NR2E1: variants seen among roughly 807,000 people sequenced by gnomAD.
NR2E1 encodes nuclear receptor TLX.
Under a neutral mutation model 43.6 loss-of-function variants are expected in NR2E1, and 5 were observed. That is an observed-to-expected ratio of 0.11 (90% CI 0.06 to 0.24). NR2E1 has a LOEUF of 0.24. Ranked by LOEUF, NR2E1 falls within the 10% of genes least tolerant of loss-of-function variation. The pLI, the probability that NR2E1 is intolerant of heterozygous loss-of-function variation, is 1.00. For synonymous variants in NR2E1, 191 were observed against 195.5 expected, an observed-to-expected ratio of 0.98 and a Z score of 0.19; for missense variants, 287 against 496.7, an observed-to-expected ratio of 0.58 and a Z score of 4.01.
At chr6:108,168,925 A>G (rs1773759341) in intron 1 of NR2E1, 1 of 152,284 alleles carries the variant, frequency 6.6e-6, no homozygotes, top group Non-Finnish European at 1.5e-5. Context: ...TCTGATGGTA[A>G]TTACAGTAAT....
chr6:108,181,461 T>C (rs1773984469), intron 7 of NR2E1, 85 bp from the exon 8 acceptor site: 1 of 1,145,758 alleles, frequency 8.7e-7, no homozygotes, highest in Admixed American at 1.7e-5. Flanking sequence ...CCCAAAGTGC[T>C]GGGATTACAG....
chr6:108,166,741 A>C lies in NR2E1; in HGVS notation c.-25A>C. The C allele has an allele frequency of 6.4e-7, 1 of 1,553,308 alleles. No homozygotes were observed. The highest frequency in any genetic ancestry group is 8.7e-7 in the Non-Finnish European group (1 of 1,155,030). ...GCCGGGACTCGGGCAGCGCCCACCA[A>C]CCGCTCCGCCCCGGGACAGCCAGCA... On this transcript the variant is annotated 5_prime_UTR_variant, in exon 1 of 9. Coordinates refer to ENST00000368986, the MANE Select transcript of NR2E1 (RefSeq NM_003269.5). This position sits in a 1 kb window ranked among gnomAD's most constrained non-coding sequence, Gnocchi z 7.2.
chr6:108,170,589 G>A (rs1417560764), intron 1 of NR2E1, among the ~76,000 whole-genome samples: 1 of 151,692 alleles, frequency 6.6e-6, no homozygotes, highest in Non-Finnish European at 1.5e-5. Context: ...AGAGAAATCA[G>A]TCAGATTCTT....
chr6:108,184,187 A>G (rs1369471347), intron 8 of NR2E1, among the ~76,000 whole-genome samples: 1 of 152,068 alleles, frequency 6.6e-6, no homozygotes, highest in Non-Finnish European at 1.5e-5. Flanking sequence ...AGTGAGTGAG[A>G]CTCCGTCTAA....
chr6:108,166,693 C>A lies in NR2E1; in HGVS notation c.-73C>A. ...AGGGCAGCTGGAGAGCGGCGGCGCC[C>A]GGCGGCGAGGCGGGCGCTGCCGGCC... On this transcript the variant is annotated 5_prime_UTR_variant, in exon 1 of 9. Coordinates refer to ENST00000368986, the MANE Select transcript of NR2E1 (RefSeq NM_003269.5). This position sits in a 1 kb window ranked among gnomAD's most constrained non-coding sequence, Gnocchi z 7.2. 3.0e-6 allele frequency: 4 copies of A among 1,352,968 alleles called. No homozygotes were observed. Among genetic ancestry groups the A allele is most frequent in the East Asian group, 2.7e-5 (1 of 36,578 alleles). The allele number at this position is 1,352,968 out of a possible 1,614,324, so 83.8% of individuals were successfully genotyped here. A position where few individuals can be genotyped will look rare whatever the true frequency, so the allele number is the denominator to read the frequency against.
At chr6:108,185,379 AACACACACACACACACACGCAC>A (rs1774055964) in intron 8 of NR2E1, among the ~76,000 whole-genome samples, 1 of 134,642 alleles carries the variant, frequency 7.4e-6, no homozygotes, top group South Asian at 2.5e-4. Context: ...TTCTCTCTCT[AACACACACACACACACACGCAC>A]ACACACATAC....
In NR2E1 at chr6:108,187,652, G is replaced by A. The variant is rs1407299451; in HGVS notation, c.*189G>A. The A allele has an allele frequency of 1.3e-5, 8 of 625,362 alleles. No individual in the cohort carries two copies. The highest frequency in any genetic ancestry group is 2.3e-5 in the Non-Finnish European group (8 of 355,142). The allele number at this position is 625,362 out of a possible 1,614,324, so 38.7% of individuals were successfully genotyped here. ...CTGCCGCCCTGACCAGGATAGGGCG[G>A]GTGGGAAGGAGAGGGGTGCAACAGG... is the stretch of plus-strand genomic sequence containing the variant. On this transcript the variant is annotated 3_prime_UTR_variant, in exon 9 of 9. Coordinates refer to ENST00000368986, the MANE Select transcript of NR2E1 (RefSeq NM_003269.5).
chr6:108,171,568 A>T lies in NR2E1; in HGVS notation c.136A>T (p.Arg46Trp). The change falls in exon 2 of 9, where the codon AGG (arginine) becomes TGG (tryptophan). Residue 46 changes from arginine (R) to tryptophan (W), a missense_variant. Physicochemically the swap from Arg to Trp is moderately radical, Grantham distance 101. This residue lies in a region of NR2E1 where 46 missense variants were observed against 132.3 expected (regional missense o/e 0.35). Transcript: ENST00000368986. ...AGGTTTTTTCAAACGGAGCATCCGA[A>T]GGAATAGGACCTATGTCTGCAAATC... The part of the protein sequence containing the change: ...CSGFFKRSIR[R>W]NRTYVCKSGN... The T allele has an allele frequency of 1.2e-6, 2 of 1,614,130 alleles. No homozygotes were observed. The highest frequency in any genetic ancestry group is 1.7e-6 in the Non-Finnish European group (2 of 1,180,046).
intron 2 of NR2E1, 104 bp downstream of exon 2, chr6:108,171,707 C>A: frequency 7.1e-7 from 1 of 1,407,284 alleles, no homozygotes; most frequent in Non-Finnish European, 1.0e-6. Context: ...GAGGAGAGAC[C>A]CGGCCCTGAC....
intron 3 of NR2E1, 30 bp downstream of exon 3, chr6:108,174,953 T>C (rs1773872169): frequency 1.3e-6 from 2 of 1,588,016 alleles, no homozygotes; most frequent in Non-Finnish European, 1.7e-6. Flanking sequence ...ATTCCAATGT[T>C]GATTGAGTAG....
chr6:108,176,200 G>A, intron 3 of NR2E1: 1 of 443,116 alleles, frequency 2.3e-6, no homozygotes, highest in South Asian at 3.4e-5. Context: ...CCCCTTCCCT[G>A]GTGGGGAGGA....
intron 8 of NR2E1, 146 bp from the exon 9 acceptor site, chr6:108,187,155 C>T: frequency 1.1e-6 from 1 of 945,650 alleles, no homozygotes; most frequent in South Asian, 1.3e-5. Flanking sequence ...GACAACAGTG[C>T]CTGTCCAGAA....
At position 108,184,688 on chromosome 6, in the gene NR2E1, A is replaced by G. The variant is rs574151467; in HGVS notation, c.996-2613A>G. On this transcript the variant is annotated intron_variant, in intron 8 of 8. Transcript: ENST00000368986. ...TGCCAGAGAGGTGAGTGAGGAGGGG[A>G]GCCTGGTGTGCCAGGAGCTGCTGAT... Among the ~76,000 whole-genome samples, 78 of 152,156 alleles carry G rather than the reference A, an allele frequency of 5.1e-4. No homozygotes were observed. In the South Asian group the frequency reaches 0.016, roughly 31 times the overall value.
chr6:108,166,733 G>A lies in NR2E1; in HGVS notation c.-33G>A. ...CGCTGCCGGCCGGGACTCGGGCAGC[G>A]CCCACCAACCGCTCCGCCCCGGGAC... On this transcript the variant is annotated 5_prime_UTR_variant, in exon 1 of 9. Transcript: ENST00000368986. This position sits in a 1 kb window ranked among gnomAD's most constrained non-coding sequence, Gnocchi z 7.2. 6.5e-7 allele frequency: 1 copy of A among 1,540,890 alleles called. No individual in the cohort carries two copies. The highest frequency in any genetic ancestry group is 2.4e-5 in the East Asian group (1 of 41,182).
At chr6:108,176,940 C>G (rs1773909474) in intron 4 of NR2E1, among the ~76,000 whole-genome samples, 1 of 152,220 alleles carries the variant, frequency 6.6e-6, no homozygotes, top group South Asian at 2.1e-4. Flanking sequence ...ACAGTAGAGT[C>G]AACCTCCGAG....
rs1449822736 is a variant in NR2E1, at chr6:108,187,615, A to ACTTTGT, written c.*152_*153insCTTTGT. On this transcript the variant is annotated 3_prime_UTR_variant, in exon 9 of 9. Transcript: ENST00000368986. ...AATGCCAATTGACACAAAGCATTCC[A>ACTTTGT]GTAGCTATGACCTGCCGCCCTGACC... The ACTTTGT allele has an allele frequency of 1.8e-5, 15 of 842,368 alleles. No individual in the cohort carries two copies. The highest frequency in any genetic ancestry group is 2.5e-5 in the Non-Finnish European group (13 of 513,250). The allele number at this position is 842,368 out of a possible 1,614,324, so 52.2% of individuals were successfully genotyped here.
intron 8 of NR2E1, among the ~76,000 whole-genome samples, chr6:108,182,602 A>C: frequency 7.4e-6 from 1 of 135,194 alleles, no homozygotes; most frequent in African/African-American, 2.9e-5. Context: ...TCTTTCACCC[A>C]GGCTGGAGTG....
chr6:108,181,490 G>A, intron 7 of NR2E1, 56 bp from the exon 8 acceptor site: 1 of 1,440,994 alleles, frequency 6.9e-7, no homozygotes, highest in Non-Finnish European at 9.8e-7. Flanking sequence ...ACTGCGCTCG[G>A]CTCCCAGATG....
intron 4 of NR2E1, 81 bp downstream of exon 4, chr6:108,176,819 T>C (rs1034370117): frequency 1.6e-6 from 2 of 1,228,086 alleles, no homozygotes; most frequent in African/African-American, 1.5e-5. Flanking sequence ...GCTGTGTGAT[T>C]GGGGTCAGGC....
Sources: allele counts gnomAD v4.1 joint callset (sites outside exome capture counted in the v4.1 genomes callset), GRCh38; gene constraint gnomAD v4.1.1; regional missense constraint gnomAD v4.1.1; non-coding constraint Gnocchi (gnomAD v3.1); transcripts MANE v1.5; gene names NCBI Gene and HGNC (gene_info 2026-07-23, HGNC 2026-07-21).